Variants in JTB observed in about 807,000 individuals in gnomAD.
The protein encoded by JTB is protein JTB.
In JTB, 10 loss-of-function variants were observed where a neutral mutation model predicts 22.1. The observed-to-expected ratio is 0.45, with a 90% CI of 0.28 to 0.77. The LOEUF is 0.77. JTB is among the 30% of genes least tolerant of loss of function. JTB has a pLI of 0.13. For synonymous variants in JTB, 83 were observed against 66.8 expected, an observed-to-expected ratio of 1.24 and a Z score of -1.18; for missense variants, 137 against 180.3, an observed-to-expected ratio of 0.76 and a Z score of 1.38.
chr1:153,975,956 A>G (rs1648782181), intron 3 of JTB, 51 bp from the exon 4 acceptor site: 19 of 1,353,340 alleles, frequency 1.4e-5, no homozygotes, highest in Non-Finnish European at 1.7e-5. Flanking sequence ...CAACAGGATA[A>G]ACAAAAAGGC....
At chr1:153,975,118 C>T (rs564281997) in intron 4 of JTB, among the ~76,000 whole-genome samples, 5 of 152,114 alleles carry the variant, frequency 3.3e-5, no homozygotes, top group East Asian at 3.9e-4. Context: ...CTCCAAATCC[C>T]GTCTTCTTTC....
chr1:153,974,503 G>A lies in JTB; in HGVS notation c.*176C>T, dbSNP rs1648709179. On this transcript the variant is annotated 3_prime_UTR_variant, in exon 5 of 5. Coordinates refer to ENST00000271843, the MANE Select transcript of JTB (RefSeq NM_006694.4). ...TGACTTCCTGCTCCAAGTTACAGAA[G>A]GGAAGGAAACCATTTTACTCTTTTT... is the stretch of plus-strand genomic sequence containing the variant. 1.9e-6 allele frequency: 1 copy of A among 519,784 alleles called. No homozygotes were observed. Among genetic ancestry groups the A allele is most frequent in the South Asian group, 4.0e-5 (1 of 24,852 alleles). 32.2% of individuals were successfully genotyped at this position (519,784 alleles called of 1,614,324 possible). A position where few individuals can be genotyped will look rare whatever the true frequency, so the allele number is the denominator to read the frequency against.
intron 1 of JTB, 45 bp downstream of exon 1, chr1:153,977,125 T>C: frequency 1.2e-6 from 2 of 1,613,982 alleles, no homozygotes; most frequent in Non-Finnish European, 1.7e-6. Context: ...GGAACGATCC[T>C]GTCCTCCAGT....
rs575872459 is a variant in JTB at position 153,977,611 on chromosome 1, G to C, written c.-359C>G. 3 of 1,025,268 alleles carry C rather than the reference G, an allele frequency of 2.9e-6. No individual in the cohort carries two copies. The highest frequency in any genetic ancestry group is 3.5e-6 in the Non-Finnish European group (3 of 854,870). 63.5% of individuals were successfully genotyped at this position (1,025,268 alleles called of 1,614,324 possible). The stretch of plus-strand genomic sequence containing the variant: ...ATCCTCGGGCGCGGGACCGAGCTCG[G>C]GGCCCGGTGTTCCCGGGGGCGTTCG... On this transcript the variant is annotated 5_prime_UTR_variant, in exon 1 of 5. Coordinates refer to ENST00000271843, the MANE Select transcript of JTB (RefSeq NM_006694.4).
chr1:153,976,402 G>A lies in JTB; in HGVS notation c.204+291C>T, dbSNP rs148749874. ...CTTGAACCCGGGAGGCGGAGGTTGT[G>A]GTGAGCCGAGATCTCGCCACTGCAC... On this transcript the variant is annotated intron_variant, in intron 3 of 4. Coordinates refer to ENST00000271843, the MANE Select transcript of JTB (RefSeq NM_006694.4). Among the ~76,000 whole-genome samples, 385 of 152,164 alleles carry A rather than the reference G, an allele frequency of 2.5e-3. 3 individuals carry two copies. The highest frequency in any genetic ancestry group is 8.9e-3 in the African/African-American group (371 of 41,512).
chr1:153,975,781 A>ATC, intron 4 of JTB, 45 bp downstream of exon 4: 2 of 1,476,332 alleles, frequency 1.4e-6, no homozygotes, highest in Non-Finnish European at 1.9e-6. Context: ...ATCTAAAGTC[A>ATC]TAGGAGCAAA....
intron 1 of JTB, 65 bp downstream of exon 1, chr1:153,977,105 C>T: frequency 1.9e-6 from 3 of 1,613,896 alleles, no homozygotes; most frequent in Middle Eastern, 1.7e-4. Flanking sequence ...CTCCCCCAGC[C>T]CCGAGGCCGG....
At chr1:153,975,420 C>CT (rs759464567) in intron 4 of JTB, among the ~76,000 whole-genome samples, 29,364 of 112,346 alleles carry the variant, frequency 0.26, 4,740 homozygotes, top group South Asian at 0.36. Flanking sequence ...CTCCCAGCCT[C>CT]TTTTTTTTTT....
chr1:153,976,921 T>C (rs973562913), intron 2 of JTB, 55 bp downstream of exon 2: 28 of 1,611,852 alleles, frequency 1.7e-5, no homozygotes, highest in East Asian at 1.6e-4. Flanking sequence ...ATGGGGAAGA[T>C]ACTAAAACCA....
intron 3 of JTB, 56 bp downstream of exon 3, chr1:153,976,637 C>CT: frequency 2.1e-6 from 3 of 1,400,634 alleles, no homozygotes; most frequent in Non-Finnish European, 3.0e-6. Context: ...TAAGATGTTG[C>CT]TTAAGTGTTT....
chr1:153,976,895 C>T (rs182139153), intron 2 of JTB, 81 bp downstream of exon 2: 3 of 1,607,072 alleles, frequency 1.9e-6, no homozygotes, highest in African/African-American at 1.3e-5. Context: ...GCCTTTTCCA[C>T]CTGTGCTCTT....
chr1:153,975,425 T>TC (rs1365463177), intron 4 of JTB, among the ~76,000 whole-genome samples: 18 of 145,564 alleles, frequency 1.2e-4, no homozygotes, highest in African/African-American at 4.5e-4. Context: ...AGCCTCTTTT[T>TC]TTTTTTTTTT....
At chr1:153,975,957 A>G in intron 3 of JTB, 52 bp from the exon 4 acceptor site, 2 of 1,339,924 alleles carry the variant, frequency 1.5e-6, no homozygotes, top group Non-Finnish European at 2.1e-6. Flanking sequence ...AACAGGATAA[A>G]CAAAAAGGCT....
rs370802455 is a variant in JTB at position 153,976,952 on chromosome 1, T to C, written c.121+24A>G. On this transcript the variant is annotated intron_variant, in intron 2 of 4. Coordinates refer to ENST00000271843, the MANE Select transcript of JTB (RefSeq NM_006694.4). ...AACCAAAAACAAACGACGGGACGTG[T>C]CGGGTTCCCAGACAATCACCCACCT... 8 of 1,614,032 alleles carry C rather than the reference T, an allele frequency of 5.0e-6. No homozygotes were observed. The African/African-American group carries it at 9.3e-5, about 19-fold the overall frequency.
intron 4 of JTB, 152 bp downstream of exon 4, chr1:153,975,674 C>T: frequency 1.6e-6 from 1 of 608,760 alleles, no homozygotes; most frequent in Non-Finnish European, 2.9e-6. Flanking sequence ...TTAGCCTCAG[C>T]CTCCCTAAGT....
rs1015581509 is a variant in JTB at position 153,977,493 on chromosome 1, G to A, written c.-241C>T. 2.4e-6 allele frequency: 3 copies of A among 1,232,074 alleles called. No homozygotes were observed. The highest frequency in any genetic ancestry group is 3.1e-6 in the Non-Finnish European group (3 of 981,594). The allele number at this position is 1,232,074 out of a possible 1,614,324, so 76.3% of individuals were successfully genotyped here. A position where few individuals can be genotyped will look rare whatever the true frequency, so the allele number is the denominator to read the frequency against. Reference sequence around the variant, plus strand: ...GCGAGCGCCTTCTGCGGGGTCCGCAGGGCGCTGGAGGAAGGGCCGGCGGGG... The same window carrying A: ...GCGAGCGCCTTCTGCGGGGTCCGCAAGGCGCTGGAGGAAGGGCCGGCGGGG... On this transcript the variant is annotated 5_prime_UTR_variant, in exon 1 of 5. Transcript: ENST00000271843.
In JTB at chr1:153,977,334, C is replaced by A; in HGVS notation, c.-82G>T. On this transcript the variant is annotated 5_prime_UTR_variant, in exon 1 of 5. Transcript: ENST00000271843. ...CCTCCGTCGGAGCGCAGAGGCGGCACTTACTCTGCAGCCCTCCCAGAGGTT... is the reference window on the plus strand; with the variant it reads ...CCTCCGTCGGAGCGCAGAGGCGGCAATTACTCTGCAGCCCTCCCAGAGGTT... The A allele has an allele frequency of 6.4e-7, 1 of 1,569,302 alleles. No individual in the cohort carries two copies. The highest frequency in any genetic ancestry group is 1.2e-5 in the South Asian group (1 of 84,896).
At chr1:153,975,288 T>C (rs1277397221) in intron 4 of JTB, among the ~76,000 whole-genome samples, 1 of 151,858 alleles carries the variant, frequency 6.6e-6, no homozygotes, top group African/African-American at 2.4e-5. Context: ...GCCCAGCTAA[T>C]TTTTGTATCT....
chr1:153,974,421 G>A lies in JTB; in HGVS notation c.*258C>T. 1 of 420,700 alleles carries A rather than the reference G, an allele frequency of 2.4e-6. No homozygotes were observed. Among genetic ancestry groups the A allele is most frequent in the Non-Finnish European group, 4.3e-6 (1 of 234,762 alleles). 26.1% of individuals were successfully genotyped at this position (420,700 alleles called of 1,614,324 possible). A position where few individuals can be genotyped will look rare whatever the true frequency, so the allele number is the denominator to read the frequency against. ...GGGGAAAACAAGGGAGAAGTGGTGG[G>A]GAAGACTTGGTAGATTGGGGCCTTA... On this transcript the variant is annotated 3_prime_UTR_variant, in exon 5 of 5. Coordinates refer to ENST00000271843, the MANE Select transcript of JTB (RefSeq NM_006694.4).
Sources: gnomAD v4.1 joint callset for allele counts (sites outside exome capture counted in the v4.1 genomes callset) on GRCh38, gnomAD v4.1.1 for gene constraint, MANE v1.5 for transcripts, NCBI Gene and HGNC (gene_info 2026-07-23, HGNC 2026-07-21) for gene names.